The following SDHD variants were observed in gnomAD, a reference collection of about 807,000 sequenced individuals.
The protein encoded by SDHD is succinate dehydrogenase [ubiquinone] cytochrome b small subunit, mitochondrial.
Under a neutral mutation model 18.7 loss-of-function variants are expected in SDHD, and 6 were observed. The ratio of observed to expected loss-of-function variants is 0.32; its 90% CI spans 0.18 to 0.63. The LOEUF is 0.63. Ranked by LOEUF, SDHD falls within the 30% of genes least tolerant of loss-of-function variation. The pLI is 0.79. For missense variants in SDHD, 160 were observed against 192.7 expected (o/e 0.83, Z 1.00); for synonymous variants, 56 against 73.9 (o/e 0.76, Z 1.24).
At chr11:112,092,607 G>T (rs1865764800) in intron 3 of SDHD, among the ~76,000 whole-genome samples, 1 of 152,200 alleles carries the variant, frequency 6.6e-6, no homozygotes, top group Non-Finnish European at 1.5e-5. Flanking sequence ...TGTAATAAAA[G>T]ATGGGCAGTT....
chr11:112,086,875 G>A lies in SDHD; in HGVS notation c.-33G>A. ...GGAATTGTCGCCTAAGTGGTTCCGG[G>A]TTGGTGGATGACCTTGAGCCCTCAG... is the stretch of plus-strand genomic sequence containing the variant. On this transcript the variant is annotated 5_prime_UTR_variant, in exon 1 of 4. Transcript: ENST00000375549. 1 of 1,614,216 alleles carries A rather than the reference G, an allele frequency of 6.2e-7. No individual in the cohort carries two copies. Among genetic ancestry groups the A allele is most frequent in the South Asian group, 1.1e-5 (1 of 91,090 alleles).
intron 3 of SDHD, among the ~76,000 whole-genome samples, chr11:112,090,879 C>T (rs753674939): frequency 1.5e-4 from 22 of 151,524 alleles, no homozygotes; most frequent in Non-Finnish European, 2.8e-4. Context: ...TATTTTAAAT[C>T]GAGACGGGGT....
At chr11:112,088,098 G>C (rs1592779253) in intron 2 of SDHD, 125 bp downstream of exon 2, 2 of 784,522 alleles carry the variant, frequency 2.5e-6, no homozygotes, top group East Asian at 4.9e-5. Context: ...GTCAAATGAA[G>C]ACCTAGTTTA....
Position 112,093,120 on chromosome 11 carries a change from GGCTCAGCACGATCTCA to G in SDHD, c.315-1681_315-1666del, listed in dbSNP as rs971784522. The G allele has an allele frequency of 3.4e-5, 13 of 377,186 alleles. No homozygotes were observed. The East Asian group carries it at 3.6e-4, about 11-fold the overall frequency. The allele number at this position is 377,186 out of a possible 1,614,324, so 23.4% of individuals were successfully genotyped here. On this transcript the variant is annotated intron_variant, in intron 3 of 3. Coordinates refer to ENST00000375549, the MANE Select transcript of SDHD (RefSeq NM_003002.4). ...TGCGATCTTGGCTCGGCACGATCTC[GGCTCAGCACGATCTCA>G]GCTTACTGCAACCTCCGCCTTTCGG... is the stretch of plus-strand genomic sequence containing the variant.
intron 2 of SDHD, chr11:112,088,372 G>C (rs1410115748): frequency 9.3e-5 from 32 of 343,448 alleles, no homozygotes; most frequent in Non-Finnish European, 1.1e-5. Context: ...GCTAAGTTTT[G>C]TACTTTTAGT....
intron 3 of SDHD, among the ~76,000 whole-genome samples, chr11:112,094,021 T>C (rs2135276365): frequency 6.6e-6 from 1 of 152,328 alleles, no homozygotes; most frequent in Middle Eastern, 3.4e-3. Context: ...GTTTTAGTTA[T>C]TTTTAGTTAT....
Position 112,095,402 on chromosome 11 carries a change from T to C in SDHD, c.*432T>C. ...AAACTTTGCAGAAAATTAGACAGTG[T>C]TTAATTTTCGAAAACTTCCCTCTCT... On this transcript the variant is annotated 3_prime_UTR_variant, in exon 4 of 4. Coordinates refer to ENST00000375549, the MANE Select transcript of SDHD (RefSeq NM_003002.4). 3.4e-6 allele frequency: 1 copy of C among 291,790 alleles called. No individual in the cohort carries two copies. Among genetic ancestry groups the C allele is most frequent in the South Asian group, 7.0e-5 (1 of 14,188 alleles). 18.1% of individuals were successfully genotyped at this position (291,790 alleles called of 1,614,324 possible). A position where few individuals can be genotyped will look rare whatever the true frequency, so the allele number is the denominator to read the frequency against.
At chr11:112,088,231 G>T in intron 2 of SDHD, 1 of 455,714 alleles carries the variant, frequency 2.2e-6, no homozygotes, top group East Asian at 4.3e-5. Context: ...ACAGAGTCTC[G>T]CTCTGTTATG....
At chr11:112,094,630 A>G (rs535847745) in intron 3 of SDHD, among the ~76,000 whole-genome samples, 175 bp from the exon 4 acceptor site, 2 of 152,298 alleles carry the variant, frequency 1.3e-5, no homozygotes, top group Admixed American at 1.3e-4. Flanking sequence ...ACTGACATAC[A>G]CACGCAAAAG....
intron 2 of SDHD, 90 bp from the exon 3 acceptor site, chr11:112,088,777 C>T (rs1163615708): frequency 4.3e-6 from 6 of 1,381,536 alleles, no homozygotes; most frequent in Non-Finnish European, 6.2e-6. Context: ...TGTACACTGC[C>T]TGTCAGTTTG....
chr11:112,088,056 T>C (rs969565310), intron 2 of SDHD, 83 bp downstream of exon 2: 5 of 958,078 alleles, frequency 5.2e-6, no homozygotes, highest in Non-Finnish European at 8.5e-6. Context: ...CAGGACTTCC[T>C]ACCTGTAGGG....
intron 3 of SDHD, among the ~76,000 whole-genome samples, chr11:112,093,519 AT>A (rs1865786176): frequency 6.6e-6 from 1 of 152,184 alleles, no homozygotes; most frequent in Non-Finnish European, 1.5e-5. Context: ...ACAACTCAAT[AT>A]ACTAAAAACC....
chr11:112,092,798 C>G (rs1258737461), intron 3 of SDHD, among the ~76,000 whole-genome samples: 1 of 152,076 alleles, frequency 6.6e-6, no homozygotes. Context: ...AACGTGTCCA[C>G]GCAAAAAACT....
chr11:112,094,921 A>G lies in SDHD; in HGVS notation c.431A>G (p.Tyr144Cys), dbSNP rs745732631. The change falls in exon 4 of 4, where the codon TAT becomes TGT. Residue 144 changes from tyrosine (Y) to cysteine (C), a missense_variant. By Grantham distance (194) the Tyr-to-Cys change is radical (BLOSUM62 -2). Transcript: ENST00000375549. ...TTTGCTGGGCTTTGCTATTTCAACT[A>G]TCACGATGTGGGCATCTGCAAAGCT... ...LTFAGLCYFN[Y>C]HDVGICKAVA... 6 of 1,611,286 alleles carry G rather than the reference A, an allele frequency of 3.7e-6. No individual in the cohort carries two copies. Among genetic ancestry groups the G allele is most frequent in the Non-Finnish European group, 5.1e-6 (6 of 1,179,294 alleles).
chr11:112,088,228 C>G, intron 2 of SDHD: 2 of 469,216 alleles, frequency 4.3e-6, no homozygotes, highest in Non-Finnish European at 7.8e-6. Flanking sequence ...GAGACAGAGT[C>G]TCGCTCTGTT....
chr11:112,090,836 C>T (rs1365675843), intron 3 of SDHD, among the ~76,000 whole-genome samples: 3 of 151,972 alleles, frequency 2.0e-5, no homozygotes, highest in Non-Finnish European at 4.4e-5. Context: ...GCTGGGATTA[C>T]AGGCATGCGC....
chr11:112,088,525 A>C (rs1865672256), intron 2 of SDHD: 1 of 372,630 alleles, frequency 2.7e-6, no homozygotes. Flanking sequence ...CCACTAACTT[A>C]CATTCATAAG....
chr11:112,094,042 G>A (rs973132860), intron 3 of SDHD, among the ~76,000 whole-genome samples: 1 of 152,090 alleles, frequency 6.6e-6, no homozygotes, highest in African/African-American at 2.4e-5. Flanking sequence ...TGGGGTGAAA[G>A]GATCACTTGC....
chr11:112,088,357 GC>G, intron 2 of SDHD: 2 of 346,638 alleles, frequency 5.8e-6, no homozygotes, highest in Non-Finnish European at 1.1e-5. Flanking sequence ...CCACCACCAT[GC>G]CCAGCTAAGT....
Sources: allele counts gnomAD v4.1 joint callset (sites outside exome capture counted in the v4.1 genomes callset), GRCh38; gene constraint gnomAD v4.1.1; transcripts MANE v1.5; gene names NCBI Gene and HGNC (gene_info 2026-07-23, HGNC 2026-07-21).